KAZN: variants seen among roughly 807,000 people sequenced by gnomAD.
KAZN encodes kazrin.
KAZN carries 40 observed loss-of-function variants against 87.4 expected under a neutral mutation model. The observed-to-expected ratio is 0.46, with a 90% confidence interval of 0.36 to 0.60. The LOEUF is 0.60. KAZN is among the 20% of genes least tolerant of loss of function. The pLI is 0.00. For missense variants in KAZN, 898 were observed against 1,073.9 expected (o/e 0.84, Z 2.29); for synonymous variants, 466 against 458.3 (o/e 1.02, Z -0.22).
intron 1 of KAZN, among the ~76,000 whole-genome samples, chr1:14,120,467 A>G (rs1393582419): frequency 6.6e-6 from 1 of 152,186 alleles, no homozygotes; most frequent in Non-Finnish European, 1.5e-5. Context: ...GGGTGGGGAC[A>G]CAGATCCAAC....
chr1:15,023,114 G>A (rs928727430), intron 2 of KAZN, among the ~76,000 whole-genome samples: 13 of 152,194 alleles, frequency 8.5e-5, no homozygotes, highest in Admixed American at 2.0e-4. Context: ...CTGCTAGTGC[G>A]GATTCCTGTA....
At chr1:15,057,085 A>G (rs1252888345) in intron 5 of KAZN, among the ~76,000 whole-genome samples, 1 of 152,216 alleles carries the variant, frequency 6.6e-6, no homozygotes, top group African/African-American at 2.4e-5. Flanking sequence ...CCTGACCTAC[A>G]AGGGCCTGGC....
intron 1 of KAZN, among the ~76,000 whole-genome samples, chr1:14,863,195 G>A (rs990548137): frequency 1.3e-5 from 2 of 152,130 alleles, no homozygotes; most frequent in Non-Finnish European, 2.9e-5. Flanking sequence ...TGCTGTTCTC[G>A]CGTTTGCCAT....
At chr1:14,226,808 A>G (rs1401502630) in intron 2 of KAZN, among the ~76,000 whole-genome samples, 1 of 152,176 alleles carries the variant, frequency 6.6e-6, no homozygotes, top group Non-Finnish European at 1.5e-5. Context: ...AGAAAACCAA[A>G]TACCACATGT....
At chr1:13,899,604 T>G (rs1440583575) in intron 1 of KAZN, among the ~76,000 whole-genome samples, 2 of 151,932 alleles carry the variant, frequency 1.3e-5, no homozygotes, top group African/African-American at 4.8e-5. Context: ...TGTGTTAGAC[T>G]CTAAGCTTCC....
At chr1:14,056,333 G>A (rs1433354838) in intron 1 of KAZN, among the ~76,000 whole-genome samples, 1 of 152,206 alleles carries the variant, frequency 6.6e-6, no homozygotes, top group Non-Finnish European at 1.5e-5. Context: ...CTTCCATGAT[G>A]AAGGCAGAAG....
At chr1:14,943,331 T>C in intron 1 of KAZN, among the ~76,000 whole-genome samples, 1 of 151,958 alleles carries the variant, frequency 6.6e-6, no homozygotes, top group Admixed American at 6.6e-5. Context: ...AGATTAGGAT[T>C]GCAGGATCAC....
At chr1:14,907,372 A>C (rs1656712450) in intron 1 of KAZN, among the ~76,000 whole-genome samples, 1 of 151,306 alleles carries the variant, frequency 6.6e-6, no homozygotes, top group South Asian at 2.1e-4. Flanking sequence ...ACTGCACTCC[A>C]GCCTGAGCAA....
intron 2 of KAZN, among the ~76,000 whole-genome samples, chr1:14,448,685 C>T (rs1667112402): frequency 6.6e-6 from 1 of 152,100 alleles, no homozygotes; most frequent in East Asian, 1.9e-4. Flanking sequence ...CAGGAATGGC[C>T]CTGTACAGAA....
chr1:14,004,601 C>T (rs570567163), intron 1 of KAZN, among the ~76,000 whole-genome samples: 1 of 152,186 alleles, frequency 6.6e-6, no homozygotes, highest in African/African-American at 2.4e-5. Flanking sequence ...CTAGGGAGTA[C>T]TGGTGATGTT....
intron 1 of KAZN, among the ~76,000 whole-genome samples, chr1:14,097,280 A>G (rs1644150022): frequency 1.3e-5 from 2 of 152,230 alleles, no homozygotes; most frequent in South Asian, 4.1e-4. Context: ...CAGAGAACCT[A>G]GATAGAAAAC....
intron 1 of KAZN, among the ~76,000 whole-genome samples, chr1:14,948,753 G>A (rs1044851923): frequency 2.0e-5 from 3 of 152,158 alleles, no homozygotes; most frequent in East Asian, 3.8e-4. Context: ...GCTGTGCTAG[G>A]AGTCTTCCTT....
chr1:14,921,945 C>A (rs979007075), intron 1 of KAZN, among the ~76,000 whole-genome samples: 2 of 152,166 alleles, frequency 1.3e-5, no homozygotes, highest in African/African-American at 4.8e-5. Flanking sequence ...CTCTTGACGT[C>A]AAGTCACCCA....
At chr1:14,918,692 AAAAAAAAAAAAAAAAATATATATATATAT>A (rs1370321284) in intron 1 of KAZN, among the ~76,000 whole-genome samples, 38 of 67,178 alleles carry the variant, frequency 5.7e-4, no homozygotes, top group African/African-American at 2.8e-3. Context: ...AAAAAAAAAA[AAAAAAAAAAAAAAAAATATATATATATAT>A]ATATATATAT....
At chr1:13,893,966 A>G (rs1638934621) in intron 1 of KAZN, among the ~76,000 whole-genome samples, 1 of 152,190 alleles carries the variant, frequency 6.6e-6, no homozygotes, top group African/African-American at 2.4e-5. Context: ...AGGACTTGCC[A>G]TGAGACAACG....
intron 1 of KAZN, among the ~76,000 whole-genome samples, chr1:14,136,454 C>T (rs762104218): frequency 6.6e-6 from 1 of 152,120 alleles, no homozygotes; most frequent in Non-Finnish European, 1.5e-5. Context: ...TATTACTAAA[C>T]AATTGCAAAG....
In KAZN at chr1:14,793,141, C is replaced by T. The variant is rs542982737; in HGVS notation, c.227-167543C>T. Among the ~76,000 whole-genome samples, 591 of 152,176 alleles carry T rather than the reference C, an allele frequency of 3.9e-3. 2 individuals carry two copies. Among genetic ancestry groups the T allele is most frequent in the Non-Finnish European group, 6.7e-3 (456 of 68,012 alleles). On this transcript the variant is annotated intron_variant, in intron 1 of 14. Transcript: ENST00000376030. ...AGGAATGGACCCCCGACTTCGGTGG[C>T]ATGGAGGAGGCAAGGATGGAGGCAG...
chr1:13,920,468 G>A (rs1337005675), intron 1 of KAZN, among the ~76,000 whole-genome samples: 1 of 151,976 alleles, frequency 6.6e-6, no homozygotes, highest in African/African-American at 2.4e-5. Context: ...AATCTAACTG[G>A]TGAAGTTGGC....
intron 1 of KAZN, among the ~76,000 whole-genome samples, chr1:14,680,247 C>T (rs111771716): frequency 1.3e-5 from 2 of 152,112 alleles, no homozygotes; most frequent in African/African-American, 4.8e-5. Context: ...ATTCACACCC[C>T]TACCAAGACA....
Sources: gnomAD v4.1 joint callset for allele counts (sites outside exome capture counted in the v4.1 genomes callset) on GRCh38, gnomAD v4.1.1 for gene constraint, MANE v1.5 for transcripts, NCBI Gene and HGNC (gene_info 2026-07-23, HGNC 2026-07-21) for gene names.